Variants in PEX3 observed in about 807,000 individuals in gnomAD.
PEX3 encodes peroxin-3.
PEX3 carries 30 observed loss-of-function variants against 55.8 expected under a neutral mutation model. The ratio of observed to expected loss-of-function variants is 0.54; its 90% CI spans 0.40 to 0.73. PEX3 has a LOEUF of 0.73. Ranked by LOEUF, PEX3 falls within the 30% of genes least tolerant of loss-of-function variation. The probability of loss-of-function intolerance (pLI) is 0.00; values close to 1 mark genes in which losing one functional copy is unlikely to be tolerated. For missense variants in PEX3, 351 were observed against 432.8 expected (o/e 0.81, Z 1.68); for synonymous variants, 135 against 148.4 (o/e 0.91, Z 0.66).
At chr6:143,472,017 C>T (rs1056880274) in intron 7 of PEX3, 143 bp from the exon 8 acceptor site, 27 of 678,396 alleles carry the variant, frequency 4.0e-5, no homozygotes, top group Middle Eastern at 3.9e-4. Flanking sequence ...TGGCTGATTT[C>T]GTAATCCATT....
Position 143,453,854 on chromosome 6 carries a change from A to G in PEX3, c.73+2739A>G, listed in dbSNP as rs1295271758. ...CAGCCTCCTAAAGTGCTGGAATTAC[A>G]GGCATGAGCCACTGAGCCTGGCATA... On this transcript the variant is annotated intron_variant, in intron 1 of 11. Coordinates refer to ENST00000367591, the MANE Select transcript of PEX3 (RefSeq NM_003630.3). The surrounding 1 kb of genome is among the most constrained non-coding windows in gnomAD (Gnocchi z 4.6). Among the ~76,000 whole-genome samples, 1 of 152,158 alleles carries G rather than the reference A, an allele frequency of 6.6e-6. No individual in the cohort carries two copies. Among genetic ancestry groups the G allele is most frequent in the Non-Finnish European group, 1.5e-5 (1 of 68,024 alleles).
chr6:143,470,565 C>T (rs1780059258), intron 4 of PEX3, among the ~76,000 whole-genome samples: 1 of 152,206 alleles, frequency 6.6e-6, no homozygotes, highest in African/African-American at 2.4e-5. Context: ...TAAACAGGCT[C>T]ATCCTCCTCG....
At position 143,450,963 on chromosome 6, in the gene PEX3, C is replaced by G; in HGVS notation, c.-80C>G. Reference sequence around the variant, plus strand: ...GACGACGGCGCTCTTGCTGGGTCATCTGGGCCAGGTGACGAAGAAACAGTT... The same window carrying G: ...GACGACGGCGCTCTTGCTGGGTCATGTGGGCCAGGTGACGAAGAAACAGTT... On this transcript the variant is annotated 5_prime_UTR_variant, in exon 1 of 12. It adds an upstream start codon to the 5' untranslated region. Transcript: ENST00000367591. The G allele has an allele frequency of 9.3e-7, 1 of 1,078,070 alleles. No individual in the cohort carries two copies. The highest frequency in any genetic ancestry group is 1.7e-5 in the Admixed American group (1 of 59,424). 66.8% of individuals were successfully genotyped at this position (1,078,070 alleles called of 1,614,324 possible). A position where few individuals can be genotyped will look rare whatever the true frequency, so the allele number is the denominator to read the frequency against.
chr6:143,455,550 C>T (rs1410664475), intron 1 of PEX3, among the ~76,000 whole-genome samples: 1 of 151,772 alleles, frequency 6.6e-6, no homozygotes, highest in East Asian at 1.9e-4. Flanking sequence ...TCTTTAAAGG[C>T]TACATTTTTA....
chr6:143,471,471 T>G lies in PEX3; in HGVS notation c.523+22T>G. On this transcript the variant is annotated intron_variant, in intron 6 of 11. Transcript: ENST00000367591. This position sits in a 1 kb window ranked among gnomAD's most constrained non-coding sequence, Gnocchi z 5.4. Reference sequence around the variant, plus strand: ...GATGGTAAGATTCTTATTTGTGACTTTTATACTAATTTTAATTCATTTATT... The same window carrying G: ...GATGGTAAGATTCTTATTTGTGACTGTTATACTAATTTTAATTCATTTATT... The G allele has an allele frequency of 6.4e-7, 1 of 1,565,760 alleles. No individual in the cohort carries two copies. Among genetic ancestry groups the G allele is most frequent in the Non-Finnish European group, 8.8e-7 (1 of 1,136,936 alleles).
chr6:143,472,354 A>G, intron 8 of PEX3, 26 bp downstream of exon 8: 1 of 1,533,728 alleles, frequency 6.5e-7, no homozygotes, highest in Middle Eastern at 1.7e-4. Context: ...CCATTTAACC[A>G]AACCAGTTAC....
rs1352863133 is a variant in PEX3, at chr6:143,464,210, C to T, written c.287+1213C>T. Among the ~76,000 whole-genome samples the T allele has an allele frequency of 2.0e-5, 3 of 151,866 alleles. No homozygotes were observed. Among genetic ancestry groups the T allele is most frequent in the Admixed American group, 6.6e-5 (1 of 15,250 alleles). ...TTGAAAAGAAGTAGATTTTAATTTC[C>T]TTTTTGTCATGATGAGAAGGCAAGA... On this transcript the variant is annotated intron_variant, in intron 3 of 11. Transcript: ENST00000367591. This position sits in a 1 kb window ranked among gnomAD's most constrained non-coding sequence, Gnocchi z 5.8.
chr6:143,480,189 A>T (rs969385866), intron 10 of PEX3, among the ~76,000 whole-genome samples: 6 of 152,162 alleles, frequency 3.9e-5, no homozygotes, highest in South Asian at 2.1e-4. Context: ...TAAAATCTTT[A>T]AAAAAATTTT....
In PEX3 at chr6:143,462,091, C is replaced by T. The variant is rs1196025646; in HGVS notation, c.206-825C>T. Reference sequence around the variant, plus strand: ...TAATCCCATGACAGATTCTTATTCTCCAGCATTTCTTATTCCACATGTAGA... The same window carrying T: ...TAATCCCATGACAGATTCTTATTCTTCAGCATTTCTTATTCCACATGTAGA... On this transcript the variant is annotated intron_variant, in intron 2 of 11. Coordinates refer to ENST00000367591, the MANE Select transcript of PEX3 (RefSeq NM_003630.3). This position sits in a 1 kb window ranked among gnomAD's most constrained non-coding sequence, Gnocchi z 4.1. Among the ~76,000 whole-genome samples the T allele has an allele frequency of 1.3e-5, 2 of 152,142 alleles. No homozygotes were observed. Among genetic ancestry groups the T allele is most frequent in the Non-Finnish European group, 2.9e-5 (2 of 68,020 alleles).
intron 1 of PEX3, among the ~76,000 whole-genome samples, chr6:143,452,103 G>A (rs1349799850): frequency 4.6e-5 from 7 of 152,104 alleles, no homozygotes; most frequent in Non-Finnish European, 1.0e-4. Flanking sequence ...TTAACAGTAC[G>A]TATTAGATTG....
intron 1 of PEX3, among the ~76,000 whole-genome samples, chr6:143,457,600 G>A (rs760499220): frequency 2.0e-5 from 3 of 152,208 alleles, no homozygotes; most frequent in East Asian, 1.9e-4. Context: ...CTTAGGTCAT[G>A]CACAATTCTT....
chr6:143,450,969 C>G lies in PEX3; in HGVS notation c.-74C>G. On this transcript the variant is annotated 5_prime_UTR_variant, in exon 1 of 12. Transcript: ENST00000367591. ...GGCGCTCTTGCTGGGTCATCTGGGC[C>G]AGGTGACGAAGAAACAGTTTCCTGG... 1 of 1,113,126 alleles carries G rather than the reference C, an allele frequency of 9.0e-7. No homozygotes were observed. The highest frequency in any genetic ancestry group is 1.5e-5 in the African/African-American group (1 of 65,482). 69.0% of individuals were successfully genotyped at this position (1,113,126 alleles called of 1,614,324 possible). A position where few individuals can be genotyped will look rare whatever the true frequency, so the allele number is the denominator to read the frequency against.
chr6:143,474,730 A>G (rs1262310066), intron 8 of PEX3, 56 bp from the exon 9 acceptor site: 17 of 890,016 alleles, frequency 1.9e-5, no homozygotes, highest in East Asian at 4.8e-5. Flanking sequence ...GATTAGTTTC[A>G]TCATAACCCT....
rs1384010623 is a variant in PEX3 at position 143,454,316 on chromosome 6, T to A, written c.73+3201T>A. Among the ~76,000 whole-genome samples the A allele has an allele frequency of 6.6e-6, 1 of 152,184 alleles. No individual in the cohort carries two copies. Among genetic ancestry groups the A allele is most frequent in the Non-Finnish European group, 1.5e-5 (1 of 68,022 alleles). ...CGAAAACAGTTTTGATTTTATAGAC[T>A]CCCTGAAATGGTCTTAAAGACCCCA... On this transcript the variant is annotated intron_variant, in intron 1 of 11. Transcript: ENST00000367591. This position sits in a 1 kb window ranked among gnomAD's most constrained non-coding sequence, Gnocchi z 4.3.
chr6:143,476,185 A>G lies in PEX3; in HGVS notation c.818+1329A>G, dbSNP rs1780151548. 6.6e-6 allele frequency among the ~76,000 whole-genome samples: 1 copy of G among 152,188 alleles called. No homozygotes were observed. ...GGAAGTGAACCTTGTAACCCAGAAG[A>G]ATACAGTTCAAGGCAGAAGAACAGT... On this transcript the variant is annotated intron_variant, in intron 9 of 11. Transcript: ENST00000367591. The surrounding 1 kb of genome is among the most constrained non-coding windows in gnomAD (Gnocchi z 5.4).
In PEX3 at chr6:143,488,271, T is replaced by A. The variant is rs887914566; in HGVS notation, c.1039-872T>A. ...ACTCTCAGAGGCTGTCAACCTTTTCTATCATGGACCCTTTCACAGACTGGT... is the reference window on the plus strand; with the variant it reads ...ACTCTCAGAGGCTGTCAACCTTTTCAATCATGGACCCTTTCACAGACTGGT... On this transcript the variant is annotated intron_variant, in intron 11 of 11. Coordinates refer to ENST00000367591, the MANE Select transcript of PEX3 (RefSeq NM_003630.3). This position sits in a 1 kb window ranked among gnomAD's most constrained non-coding sequence, Gnocchi z 4.9. Among the ~76,000 whole-genome samples the A allele has an allele frequency of 6.6e-6, 1 of 152,158 alleles. No homozygotes were observed. The highest frequency in any genetic ancestry group is 1.5e-5 in the Non-Finnish European group (1 of 68,006).
At chr6:143,480,328 A>G (rs1048116981) in intron 10 of PEX3, among the ~76,000 whole-genome samples, 8 of 152,248 alleles carry the variant, frequency 5.3e-5, no homozygotes, top group African/African-American at 1.9e-4. Context: ...AAGTAGTGAT[A>G]CATAATTGTA....
intron 10 of PEX3, among the ~76,000 whole-genome samples, chr6:143,481,005 C>G (rs1314878390): frequency 1.3e-5 from 2 of 151,482 alleles, no homozygotes; most frequent in Non-Finnish European, 2.9e-5. Context: ...GAGTGAGACC[C>G]CCCTGCCCCC....
At chr6:143,484,875 T>A in intron 10 of PEX3, 1 of 392,838 alleles carries the variant, frequency 2.5e-6, no homozygotes, top group East Asian at 5.8e-5. Context: ...TGGAAAATAC[T>A]CATAACAATA....
Sources: allele counts gnomAD v4.1 joint callset (sites outside exome capture counted in the v4.1 genomes callset), GRCh38; gene constraint gnomAD v4.1.1; non-coding constraint Gnocchi (gnomAD v3.1); transcripts MANE v1.5; gene names NCBI Gene and HGNC (gene_info 2026-07-23, HGNC 2026-07-21).